The following PHF10 variants were observed in gnomAD, a reference collection of about 807,000 sequenced individuals.
The protein encoded by PHF10 is PHD finger protein 10.
PHF10 carries 51 observed loss-of-function variants against 68.5 expected under a neutral mutation model. The observed-to-expected ratio is 0.74, with a 90% CI of 0.59 to 0.94. PHF10 has a LOEUF of 0.94. Ranked by LOEUF, PHF10 falls within the 40% of genes least tolerant of loss-of-function variation. PHF10 has a pLI of 0.00. For synonymous variants in PHF10, 204 were observed against 203.5 expected, an observed-to-expected ratio of 1.00 and a Z score of -0.02; for missense variants, 460 against 602.6, an observed-to-expected ratio of 0.76 and a Z score of 2.48.
chr6:169,712,737 T>C lies in PHF10; in HGVS notation c.804-198A>G, dbSNP rs535719667. 2.5e-4 allele frequency among the ~76,000 whole-genome samples: 38 copies of C among 152,284 alleles called. No individual in the cohort carries two copies. The South Asian group carries it at 7.5e-3, about 30-fold the overall frequency. ...ATCTTTTCACTAGACTTATGTAAAA[T>C]ATGCATTTGATTCTTACTAAGAGAT... On this transcript the variant is annotated intron_variant, in intron 7 of 11. Coordinates refer to ENST00000339209, the MANE Select transcript of PHF10 (RefSeq NM_018288.4).
At chr6:169,708,121 C>T (rs1788847404) in intron 9 of PHF10, 1 of 152,146 alleles carries the variant, frequency 6.6e-6, no homozygotes. Context: ...CAGAGTATCA[C>T]TATTGACAAG....
At chr6:169,717,733 T>C (rs1021288441) in intron 4 of PHF10, 90 bp downstream of exon 4, 1 of 614,976 alleles carries the variant, frequency 1.6e-6, no homozygotes, top group Non-Finnish European at 2.9e-6. Flanking sequence ...TTTATTAATT[T>C]TGTAAAATAT....
At chr6:169,721,915 C>G (rs1405184109) in intron 1 of PHF10, among the ~76,000 whole-genome samples, 1 of 152,162 alleles carries the variant, frequency 6.6e-6, no homozygotes, top group Non-Finnish European at 1.5e-5. Flanking sequence ...AAAATGAAAG[C>G]AATCCTGCAA....
At chr6:169,721,697 T>C (rs1199786134) in intron 1 of PHF10, among the ~76,000 whole-genome samples, 1 of 152,126 alleles carries the variant, frequency 6.6e-6, no homozygotes, top group South Asian at 2.1e-4. Flanking sequence ...AAGAAGATTA[T>C]ATATTTTTAA....
At chr6:169,722,193 T>C (rs1309103823) in intron 1 of PHF10, among the ~76,000 whole-genome samples, 1 of 152,254 alleles carries the variant, frequency 6.6e-6, no homozygotes, top group Non-Finnish European at 1.5e-5. Flanking sequence ...TAATAAAGTC[T>C]CAAATGTCTC....
chr6:169,716,024 A>C lies in PHF10; in HGVS notation c.474T>G (p.His158Gln). Residue 158 changes from histidine (H) to glutamine (Q), a missense_variant, in exon 5 of 12, where the codon CAT becomes CAG. Transcript: ENST00000339209. ...CTTGTAGAATAACAGAATACTCAGC[A>C]TGTTTGGCTGGATATTCTTTTATCA... is the stretch of plus-strand genomic sequence containing the variant. ...DLMIKEYPAK[H>Q]AEYSVILQEK... is the part of the protein sequence containing the mutation. 6.2e-7 allele frequency: 1 copy of C among 1,609,794 alleles called. No homozygotes were observed. The highest frequency in any genetic ancestry group is 1.7e-5 in the Admixed American group (1 of 59,728).
At position 169,712,519 on chromosome 6, in the gene PHF10, C is replaced by T. The variant is rs760703722; in HGVS notation, c.824G>A (p.Arg275Gln). ...YYKRYSPDELRYLPLNTALYE... is the reference protein window; with the variant it reads ...YYKRYSPDELQYLPLNTALYE... Reference sequence around the variant, plus strand: ...CAGGGCTGTGTTTAATGGCAGATACCGCAGCTCATCTGGTGAGTACCTGAA... The same window carrying T: ...CAGGGCTGTGTTTAATGGCAGATACTGCAGCTCATCTGGTGAGTACCTGAA... The change falls in exon 8 of 12, where the codon CGG becomes CAG. Residue 275 changes from arginine (R) to glutamine (Q), a missense_variant. Physicochemically the swap from Arg to Gln is conservative, Grantham distance 43 (BLOSUM62 1). Around this residue, in one of 3 missense-constraint regions of PHF10, gnomAD observed 256 missense variants for 410.5 expected, o/e 0.62. Coordinates refer to ENST00000339209, the MANE Select transcript of PHF10 (RefSeq NM_018288.4). 1.2e-6 allele frequency: 2 copies of T among 1,613,144 alleles called. No homozygotes were observed. The highest frequency in any genetic ancestry group is 2.2e-5 in the East Asian group (1 of 44,870).
At chr6:169,714,273 C>T (rs572247658) in intron 7 of PHF10, among the ~76,000 whole-genome samples, 10 of 152,310 alleles carry the variant, frequency 6.6e-5, no homozygotes, top group African/African-American at 2.2e-4. Context: ...TGCCCCTCTC[C>T]GCTCCTTCTC....
intron 4 of PHF10, 24 bp downstream of exon 4, chr6:169,717,798 AT>A: frequency 9.8e-7 from 1 of 1,016,168 alleles, no homozygotes; most frequent in Non-Finnish European, 1.5e-6. Context: ...AGCTTGAAAA[AT>A]TCACATTAAA....
In PHF10 at chr6:169,705,251, C is replaced by T; in HGVS notation, c.1293G>A (p.Met431Ile). Residue 431 changes from methionine to isoleucine, a missense_variant, in exon 11 of 12, where the codon ATG (methionine) becomes ATA (isoleucine). Around this residue, in one of 3 missense-constraint regions of PHF10, gnomAD observed 111 missense variants for 109.7 expected, o/e 1.01. Transcript: ENST00000339209. ...SMIKTYPWQC[M>I]ECKTCIICGQ... ...CACATATAATGCATGTTTTACATTC[C>T]ATACACTGCCATGGGTAGGTCTTAA... The T allele has an allele frequency of 6.2e-7, 1 of 1,612,982 alleles. No homozygotes were observed. The highest frequency in any genetic ancestry group is 8.5e-7 in the Non-Finnish European group (1 of 1,179,044).
At chr6:169,711,711 T>G (rs1788929421) in intron 8 of PHF10, among the ~76,000 whole-genome samples, 1 of 152,220 alleles carries the variant, frequency 6.6e-6, no homozygotes. Flanking sequence ...TAGAAGCTGT[T>G]GGTGACAAGG....
chr6:169,706,014 C>T (rs1361915197), intron 9 of PHF10, among the ~76,000 whole-genome samples: 1 of 152,090 alleles, frequency 6.6e-6, no homozygotes, highest in Non-Finnish European at 1.5e-5. Context: ...GAAGGAAAGA[C>T]TAAATACAAT....
intron 1 of PHF10, among the ~76,000 whole-genome samples, chr6:169,722,929 T>C (rs1017844962): frequency 1.3e-5 from 2 of 152,212 alleles, no homozygotes; most frequent in African/African-American, 4.8e-5. Flanking sequence ...AGGATGTGCA[T>C]TCAGAGTCTT....
chr6:169,712,677 T>C (rs1788952247), intron 7 of PHF10, 138 bp from the exon 8 acceptor site: 1 of 614,646 alleles, frequency 1.6e-6, no homozygotes, highest in Admixed American at 3.6e-5. Context: ...ATTTTTCATT[T>C]TTGTCATCAA....
chr6:169,723,657 T>G (rs1275448952), intron 1 of PHF10, among the ~76,000 whole-genome samples, 188 bp downstream of exon 1: 1 of 151,226 alleles, frequency 6.6e-6, no homozygotes, highest in Non-Finnish European at 1.5e-5. Context: ...CCCGCACTTG[T>G]TGCTCGCTAG....
chr6:169,718,326 T>C (rs773549366), intron 3 of PHF10, among the ~76,000 whole-genome samples: 3 of 152,132 alleles, frequency 2.0e-5, no homozygotes, highest in Non-Finnish European at 2.9e-5. Flanking sequence ...TTATGAGCCA[T>C]AGAAAATATC....
chr6:169,718,669 T>TAA (rs548658132), intron 3 of PHF10, 119 bp downstream of exon 3: 3 of 632,970 alleles, frequency 4.7e-6, no homozygotes, highest in South Asian at 2.3e-5. Context: ...CCCTTAGTCT[T>TAA]AAAAAAAAAC....
intron 9 of PHF10, chr6:169,707,348 A>C (rs895384575): frequency 4.6e-5 from 7 of 152,164 alleles, no homozygotes; most frequent in African/African-American, 1.7e-4. Context: ...AACAGCTAGG[A>C]AGTGCACTTC....
chr6:169,715,078 C>G (rs1046527139), intron 6 of PHF10, among the ~76,000 whole-genome samples: 2 of 152,284 alleles, frequency 1.3e-5, no homozygotes, highest in East Asian at 1.9e-4. Flanking sequence ...CACTACTTAA[C>G]AGCAGAGTGA....
Sources: gnomAD v4.1 joint callset for allele counts (sites outside exome capture counted in the v4.1 genomes callset) on GRCh38, gnomAD v4.1.1 for gene constraint, gnomAD v4.1.1 regional missense constraint, MANE v1.5 for transcripts, NCBI Gene and HGNC (gene_info 2026-07-23, HGNC 2026-07-21) for gene names.